Variants in ADARB2 observed in about 807,000 individuals in gnomAD.
ADARB2 encodes adenosine deaminase RNA specific B2 (inactive), also known as inactive double-stranded RNA-specific editase B2.
In ADARB2, 25 loss-of-function variants were observed where a neutral mutation model predicts 62.2. The ratio of observed to expected loss-of-function variants is 0.40; its 90% CI spans 0.29 to 0.56. The LOEUF is 0.56. Ranked by LOEUF, ADARB2 falls within the 20% of genes least tolerant of loss-of-function variation. ADARB2 has a pLI of 0.43. For synonymous variants in ADARB2, 572 were observed against 500.8 expected (o/e 1.14, Z -1.90); for missense variants, 1,071 against 1,077.4 (o/e 0.99, Z 0.08).
chr10:1,505,940 TC>T (rs1349269886), intron 1 of ADARB2, among the ~76,000 whole-genome samples: 1 of 152,248 alleles, frequency 6.6e-6, no homozygotes, highest in African/African-American at 2.4e-5. Context: ...CTTGACTTTT[TC>T]CATTCTTGGT....
chr10:1,257,108 T>A (rs1236449523), intron 4 of ADARB2, among the ~76,000 whole-genome samples: 2 of 152,238 alleles, frequency 1.3e-5, no homozygotes, highest in African/African-American at 4.8e-5. Context: ...CGAGCTGTGT[T>A]CAGGCCCTGT....
At chr10:1,196,177 T>C (rs549727807) in intron 8 of ADARB2, among the ~76,000 whole-genome samples, 1 of 151,164 alleles carries the variant, frequency 6.6e-6, no homozygotes, top group East Asian at 1.9e-4. Context: ...TTATTAGGGC[T>C]GAGGGTCACT....
At chr10:1,674,340 T>A (rs138977144) in intron 1 of ADARB2, among the ~76,000 whole-genome samples, 9 of 152,340 alleles carry the variant, frequency 5.9e-5, no homozygotes, top group African/African-American at 2.2e-4. Context: ...TTTCAATGAA[T>A]GGCTGCGTAT....
intron 1 of ADARB2, among the ~76,000 whole-genome samples, chr10:1,600,447 G>T (rs2132014021): frequency 6.6e-6 from 1 of 152,162 alleles, no homozygotes; most frequent in South Asian, 2.1e-4. Flanking sequence ...GATCATCTGA[G>T]GTCAGGAGTT....
chr10:1,241,425 C>T (rs550689139), intron 5 of ADARB2, among the ~76,000 whole-genome samples: 56 of 152,272 alleles, frequency 3.7e-4, no homozygotes, highest in African/African-American at 1.2e-3. Flanking sequence ...ATTTGAGGAA[C>T]GCAGATGGCT....
At chr10:1,732,330 A>AT (rs1554739402) in intron 1 of ADARB2, among the ~76,000 whole-genome samples, 20 of 147,848 alleles carry the variant, frequency 1.4e-4, no homozygotes, top group African/African-American at 4.8e-4. Flanking sequence ...AAAAAAAAAA[A>AT]TTTCCTTTTC....
chr10:1,186,223 G>T lies in ADARB2; in HGVS notation c.1865-1184C>A, dbSNP rs1252347200. On this transcript the variant is annotated intron_variant, in intron 8 of 9. Coordinates refer to ENST00000381312, the MANE Select transcript of ADARB2 (RefSeq NM_018702.4). ...CCAGAGGCAGCGTCCTGGGGACAAA[G>T]CCCACTTCTTCCCATGCCCAGGGCT... 5.3e-5 allele frequency among the ~76,000 whole-genome samples: 8 copies of T among 152,222 alleles called. 1 individual carries two copies. Among genetic ancestry groups the T allele is most frequent in the Admixed American group, 3.9e-4 (6 of 15,286 alleles).
chr10:1,217,909 G>C (rs1830646771), intron 6 of ADARB2, among the ~76,000 whole-genome samples: 1 of 152,134 alleles, frequency 6.6e-6, no homozygotes, highest in Non-Finnish European at 1.5e-5. Context: ...GGTCCCTCAG[G>C]TGTTCTGTGT....
At chr10:1,307,959 T>A (rs1057043318) in intron 3 of ADARB2, among the ~76,000 whole-genome samples, 137 of 139,280 alleles carry the variant, frequency 9.8e-4, no homozygotes, top group Non-Finnish European at 2.6e-4. Context: ...AGGGATAGCA[T>A]TGGGAGATAT....
chr10:1,553,286 G>T (rs7087167), intron 1 of ADARB2, among the ~76,000 whole-genome samples: 131,010 of 152,210 alleles, frequency 0.86, 58,180 homozygotes, highest in South Asian at 0.98. Flanking sequence ...GCTTTTAATG[G>T]CTGAATTTTC....
At chr10:1,610,930 G>A (rs1164836681) in intron 1 of ADARB2, among the ~76,000 whole-genome samples, 1 of 152,114 alleles carries the variant, frequency 6.6e-6, no homozygotes, top group African/African-American at 2.4e-5. Flanking sequence ...ACATGAGGTG[G>A]GGGCTTTAAC....
chr10:1,590,418 A>T (rs908525955), intron 1 of ADARB2, among the ~76,000 whole-genome samples: 3 of 152,216 alleles, frequency 2.0e-5, no homozygotes, highest in Admixed American at 6.5e-5. Context: ...TTTTATTCTA[A>T]ATTTCATTTT....
Position 1,184,850 on chromosome 10 carries a change from G to T in ADARB2, c.2043+11C>A. On this transcript the variant is annotated intron_variant, in intron 9 of 9. Coordinates refer to ENST00000381312, the MANE Select transcript of ADARB2 (RefSeq NM_018702.4). The stretch of plus-strand genomic sequence containing the variant: ...GGGTCCAGTTTCCCTGCAAGGATGG[G>T]TGCGACCTACCCTGCCATACAGCCG... The T allele has an allele frequency of 6.2e-7, 1 of 1,609,742 alleles. No homozygotes were observed. Among genetic ancestry groups the T allele is most frequent in the Non-Finnish European group, 8.5e-7 (1 of 1,177,568 alleles).
chr10:1,487,678 G>GGTTTAGGGAAAAA (rs1203705122), intron 1 of ADARB2, among the ~76,000 whole-genome samples: 1 of 152,180 alleles, frequency 6.6e-6, no homozygotes, highest in Non-Finnish European at 1.5e-5. Context: ...GAACGGACAT[G>GGTTTAGGGAAAAA]GTTTAGGGAA....
intron 1 of ADARB2, among the ~76,000 whole-genome samples, chr10:1,525,838 C>T (rs1189965591): frequency 6.6e-6 from 1 of 151,680 alleles, no homozygotes; most frequent in African/African-American, 2.4e-5. Flanking sequence ...TGTGTATGTT[C>T]ATGTGCTTGT....
At chr10:1,715,188 T>C (rs1416572818) in intron 1 of ADARB2, among the ~76,000 whole-genome samples, 2 of 152,142 alleles carry the variant, frequency 1.3e-5, no homozygotes, top group Non-Finnish European at 2.9e-5. Context: ...CTCTAAATCA[T>C]TCTGTTTCCC....
chr10:1,658,214 C>G (rs1180214427), intron 1 of ADARB2, among the ~76,000 whole-genome samples: 1 of 151,742 alleles, frequency 6.6e-6, no homozygotes, highest in East Asian at 1.9e-4. Flanking sequence ...CTGTCTCTCT[C>G]TGTCTCTATC....
chr10:1,669,633 C>T (rs367730978), intron 1 of ADARB2, among the ~76,000 whole-genome samples: 23 of 151,686 alleles, frequency 1.5e-4, no homozygotes, highest in African/African-American at 5.1e-4. Context: ...CACAAACACA[C>T]ACAGACACAT....
intron 1 of ADARB2, chr10:1,535,537 T>G (rs1832320265): frequency 6.0e-6 from 1 of 167,080 alleles, no homozygotes; most frequent in Admixed American, 6.5e-5. Flanking sequence ...TCTTTGGAAA[T>G]TGTAACAAAT....
Sources: gnomAD v4.1 joint callset for allele counts (sites outside exome capture counted in the v4.1 genomes callset) on GRCh38, gnomAD v4.1.1 for gene constraint, MANE v1.5 for transcripts, NCBI Gene and HGNC (gene_info 2026-07-23, HGNC 2026-07-21) for gene names.